SSBP3: variants seen among roughly 807,000 people sequenced by gnomAD.
SSBP3 encodes single-stranded DNA-binding protein 3.
In SSBP3, 5 loss-of-function variants were observed where a neutral mutation model predicts 69.6. The ratio of observed to expected loss-of-function variants is 0.07; its 90% confidence interval spans 0.04 to 0.15. The LOEUF is 0.15. Among genes scored for constraint, SSBP3 ranks in the 10% least tolerant of loss-of-function variants. The probability of loss-of-function intolerance (pLI) is 1.00; values close to 1 mark genes in which losing one functional copy is unlikely to be tolerated. For synonymous variants in SSBP3, 196 were observed against 193.4 expected (o/e 1.01, Z -0.11); for missense variants, 312 against 534.0 (o/e 0.58, Z 4.10).
chr1:54,308,968 A>G (rs774063698), intron 4 of SSBP3, among the ~76,000 whole-genome samples: 3 of 152,188 alleles, frequency 2.0e-5, no homozygotes, highest in African/African-American at 7.2e-5. Flanking sequence ...GATTTAGAAT[A>G]ATCAGGGACA....
intron 4 of SSBP3, among the ~76,000 whole-genome samples, chr1:54,337,081 G>C (rs1332182737): frequency 6.6e-6 from 1 of 152,256 alleles, no homozygotes; most frequent in Non-Finnish European, 1.5e-5. Flanking sequence ...TGCCGCAGGT[G>C]AGACACACTG....
At chr1:54,381,248 T>G (rs1390260630) in intron 4 of SSBP3, among the ~76,000 whole-genome samples, 1 of 151,884 alleles carries the variant, frequency 6.6e-6, no homozygotes, top group East Asian at 1.9e-4. Context: ...CCGGGCGTGG[T>G]GGCGTGCGCC....
Position 54,375,806 on chromosome 1 carries a change from G to A in SSBP3, c.276+26055C>T, listed in dbSNP as rs532250962. Among the ~76,000 whole-genome samples, 109 of 152,352 alleles carry A rather than the reference G, an allele frequency of 7.2e-4. No homozygotes were observed. In the South Asian group the frequency reaches 7.5e-3, roughly 10 times the overall value. On this transcript the variant is annotated intron_variant, in intron 4 of 17. Coordinates refer to ENST00000610401, the Ensembl canonical transcript of SSBP3. ...TCTTGACGCTACAGGCGGCTGCGGT[G>A]GCCCTGCCTGCCACAGGGCCCTGGC...
At chr1:54,403,128 A>C (rs559994721) in intron 3 of SSBP3, among the ~76,000 whole-genome samples, 1 of 152,150 alleles carries the variant, frequency 6.6e-6, no homozygotes, top group African/African-American at 2.4e-5. Context: ...AACTTCTACC[A>C]AACAGGGCCA....
At chr1:54,353,006 A>G (rs1646805904) in intron 4 of SSBP3, among the ~76,000 whole-genome samples, 1 of 152,138 alleles carries the variant, frequency 6.6e-6, no homozygotes, top group Admixed American at 6.5e-5. Context: ...GACAGGAGGC[A>G]GTAGGTGACG....
At chr1:54,306,996 T>C (rs1388280172) in intron 4 of SSBP3, among the ~76,000 whole-genome samples, 1 of 152,074 alleles carries the variant, frequency 6.6e-6, no homozygotes, top group Non-Finnish European at 1.5e-5. Context: ...GGCCAAACTA[T>C]GAAGACTCAA....
chr1:54,311,770 A>G (rs553328106), intron 4 of SSBP3, among the ~76,000 whole-genome samples: 47 of 152,282 alleles, frequency 3.1e-4, no homozygotes, highest in African/African-American at 1.1e-3. Context: ...AGAATGAGCC[A>G]AACCATCATC....
At chr1:54,290,597 C>T (rs906609083) in intron 4 of SSBP3, among the ~76,000 whole-genome samples, 5 of 152,202 alleles carry the variant, frequency 3.3e-5, no homozygotes, top group Non-Finnish European at 7.3e-5. Flanking sequence ...CCCATTCATC[C>T]CAGGAAGCAC....
chr1:54,360,424 CT>C (rs1646932292), intron 4 of SSBP3, among the ~76,000 whole-genome samples: 1 of 152,218 alleles, frequency 6.6e-6, no homozygotes, highest in Non-Finnish European at 1.5e-5. Context: ...TCTGTCCAAT[CT>C]TGGCAATCAC....
chr1:54,276,174 G>T (rs1300525855), intron 5 of SSBP3, among the ~76,000 whole-genome samples: 1 of 152,192 alleles, frequency 6.6e-6, no homozygotes, highest in Non-Finnish European at 1.5e-5. Flanking sequence ...AAGATGGCAA[G>T]TATCTAGATG....
chr1:54,294,763 C>A (rs913240982), intron 4 of SSBP3, among the ~76,000 whole-genome samples: 2 of 152,214 alleles, frequency 1.3e-5, no homozygotes, highest in Non-Finnish European at 2.9e-5. Context: ...CCTGGCCTCT[C>A]TGAAGACGAG....
intron 4 of SSBP3, among the ~76,000 whole-genome samples, chr1:54,371,849 T>C (rs1647140777): frequency 6.6e-6 from 1 of 152,078 alleles, no homozygotes; most frequent in Non-Finnish European, 1.5e-5. Context: ...AACACCTTTC[T>C]ACCCTGCAAC....
At chr1:54,399,489 G>T (rs1333391203) in intron 4 of SSBP3, among the ~76,000 whole-genome samples, 1 of 152,212 alleles carries the variant, frequency 6.6e-6, no homozygotes, top group Non-Finnish European at 1.5e-5. Flanking sequence ...TAGCAGAGTG[G>T]CCTGGCACAC....
At chr1:54,284,473 T>A (rs1049423749) in intron 4 of SSBP3, among the ~76,000 whole-genome samples, 1 of 151,658 alleles carries the variant, frequency 6.6e-6, no homozygotes, top group Non-Finnish European at 1.5e-5. Flanking sequence ...AAAAAAAAAA[T>A]TAAAATTATT....
chr1:54,394,741 C>T (rs966725771), intron 4 of SSBP3, among the ~76,000 whole-genome samples: 30 of 133,008 alleles, frequency 2.3e-4, no homozygotes, highest in Admixed American at 3.5e-4. Context: ...CTGGCTCTGT[C>T]CCCCATGCTG....
intron 4 of SSBP3, among the ~76,000 whole-genome samples, chr1:54,380,484 C>T (rs1250354402): frequency 4.6e-5 from 7 of 152,178 alleles, no homozygotes; most frequent in Non-Finnish European, 8.8e-5. Flanking sequence ...ACACATGCTC[C>T]GAGTTAAAAA....
intron 3 of SSBP3, among the ~76,000 whole-genome samples, chr1:54,402,526 A>C (rs1482100470): frequency 1.4e-5 from 2 of 142,974 alleles, no homozygotes; most frequent in African/African-American, 2.6e-5. Flanking sequence ...CCTCACCCCC[A>C]CTCCCACCCA....
At chr1:54,309,484 T>C (rs1009950553) in intron 4 of SSBP3, among the ~76,000 whole-genome samples, 4 of 152,234 alleles carry the variant, frequency 2.6e-5, no homozygotes, top group Non-Finnish European at 4.4e-5. Flanking sequence ...TGCTTTGGAC[T>C]GATATCTAGG....
chr1:54,239,704 C>T (rs945949111), intron 13 of SSBP3, among the ~76,000 whole-genome samples: 5 of 152,136 alleles, frequency 3.3e-5, no homozygotes, highest in Admixed American at 2.6e-4. Context: ...GTGGCCCAGT[C>T]GGAATGTAGG....
Sources: gnomAD v4.1 joint callset for allele counts (sites outside exome capture counted in the v4.1 genomes callset) on GRCh38, gnomAD v4.1.1 for gene constraint, MANE v1.5 for transcripts, NCBI Gene and HGNC (gene_info 2026-07-23, HGNC 2026-07-21) for gene names.